Variants in ZBTB7C observed in about 807,000 individuals in gnomAD.
ZBTB7C encodes the protein zinc finger and BTB domain-containing protein 7C.
A neutral mutation model predicts 25.7 loss-of-function variants in ZBTB7C; 8 were observed. The observed-to-expected ratio is 0.31, with a 90% CI of 0.18 to 0.56. The LOEUF is 0.56. Among genes scored for constraint, ZBTB7C ranks in the 20% least tolerant of loss-of-function variants. The probability of loss-of-function intolerance (pLI) is 0.91; values close to 1 mark genes in which losing one functional copy is unlikely to be tolerated. For synonymous variants in ZBTB7C, 394 were observed against 369.0 expected (o/e 1.07, Z -0.78); for missense variants, 824 against 855.2 (o/e 0.96, Z 0.46).
chr18:48,309,204 G>A (rs964427543), intron 2 of ZBTB7C, among the ~76,000 whole-genome samples: 1 of 152,302 alleles, frequency 6.6e-6, no homozygotes, highest in Admixed American at 6.5e-5. Flanking sequence ...ACCAAGGGAG[G>A]CTTCCCGGAG....
chr18:48,309,910 G>A (rs1160677659), intron 2 of ZBTB7C, among the ~76,000 whole-genome samples: 1 of 152,194 alleles, frequency 6.6e-6, no homozygotes, highest in Admixed American at 6.5e-5. Flanking sequence ...CAAATGTCAA[G>A]TGCCTGGCAC....
At chr18:48,230,567 C>T (rs931563326) in intron 2 of ZBTB7C, among the ~76,000 whole-genome samples, 3 of 152,166 alleles carry the variant, frequency 2.0e-5, no homozygotes, top group Non-Finnish European at 4.4e-5. Context: ...AATTGGTGCT[C>T]AGCTCAGGTT....
chr18:48,250,238 G>C (rs562972089), intron 2 of ZBTB7C, among the ~76,000 whole-genome samples: 35 of 152,234 alleles, frequency 2.3e-4, no homozygotes, highest in African/African-American at 8.4e-4. Flanking sequence ...AGTCTTCCCA[G>C]AATATTTTCT....
intron 3 of ZBTB7C, among the ~76,000 whole-genome samples, chr18:48,069,140 A>G (rs780545244): frequency 1.6e-4 from 25 of 152,198 alleles, no homozygotes; most frequent in African/African-American, 5.8e-4. Flanking sequence ...GTAGGTGCTC[A>G]TGCATTTCTG....
intron 3 of ZBTB7C, chr18:48,076,892 C>A: frequency 3.1e-6 from 3 of 971,208 alleles, no homozygotes; most frequent in Non-Finnish European, 3.7e-6. Context: ...CCTTTTCCAA[C>A]AAATCGAATT....
chr18:48,091,828 A>G (rs567424811), intron 3 of ZBTB7C, among the ~76,000 whole-genome samples: 6 of 152,260 alleles, frequency 3.9e-5, no homozygotes, highest in East Asian at 1.9e-4. Flanking sequence ...TCATTGTCCA[A>G]TGATACCTTC....
chr18:48,082,187 A>G (rs4267392), intron 3 of ZBTB7C, among the ~76,000 whole-genome samples: 81,648 of 152,052 alleles, frequency 0.54, 24,428 homozygotes, highest in African/African-American at 0.81. Flanking sequence ...ACAAAATTAT[A>G]CACTGTCCCC....
At chr18:48,365,663 G>A (rs1037672894) in intron 1 of ZBTB7C, among the ~76,000 whole-genome samples, 11 of 152,000 alleles carry the variant, frequency 7.2e-5, no homozygotes, top group Middle Eastern at 3.4e-3. Flanking sequence ...TAAAGCATGG[G>A]ACCCAACTAT....
At chr18:48,349,608 C>T (rs138746135) in intron 1 of ZBTB7C, among the ~76,000 whole-genome samples, 12 of 152,316 alleles carry the variant, frequency 7.9e-5, no homozygotes, top group African/African-American at 2.6e-4. Flanking sequence ...CCATGCTAAA[C>T]GCTGGAGGAG....
chr18:48,097,373 A>G (rs1185996376), intron 3 of ZBTB7C, among the ~76,000 whole-genome samples: 1 of 134,568 alleles, frequency 7.4e-6, no homozygotes, highest in East Asian at 2.1e-4. Context: ...AACTTTTATT[A>G]TTGTTGTTGT....
At chr18:48,384,511 G>A (rs1275143870) in intron 1 of ZBTB7C, among the ~76,000 whole-genome samples, 1 of 152,186 alleles carries the variant, frequency 6.6e-6, no homozygotes, top group East Asian at 1.9e-4. Context: ...TAGAAAGTTG[G>A]GAGAGGGATT....
chr18:48,279,827 C>A (rs1346789864), intron 2 of ZBTB7C, among the ~76,000 whole-genome samples: 1 of 152,176 alleles, frequency 6.6e-6, no homozygotes, highest in African/African-American at 2.4e-5. Flanking sequence ...ACTGAGTTTG[C>A]CTTGACATCT....
At chr18:48,373,772 A>T (rs113272195) in intron 1 of ZBTB7C, among the ~76,000 whole-genome samples, 11 of 152,112 alleles carry the variant, frequency 7.2e-5, no homozygotes, top group East Asian at 3.9e-4. Flanking sequence ...CCATCCTGGT[A>T]AACACGGTGA....
intron 2 of ZBTB7C, among the ~76,000 whole-genome samples, chr18:48,199,992 TTGTGTG>T (rs57540482): frequency 0.37 from 55,930 of 149,148 alleles, 10,352 homozygotes; most frequent in Admixed American, 0.44. Context: ...GGAAATGTAT[TTGTGTG>T]TGTGTGTGTG....
At chr18:48,124,168 T>C (rs1173637130) in intron 3 of ZBTB7C, among the ~76,000 whole-genome samples, 1 of 152,254 alleles carries the variant, frequency 6.6e-6, no homozygotes, top group Non-Finnish European at 1.5e-5. Flanking sequence ...TGGTGACCTC[T>C]ACCTAGAAAT....
intron 2 of ZBTB7C, among the ~76,000 whole-genome samples, chr18:48,200,364 T>C (rs921175328): frequency 6.6e-6 from 1 of 151,694 alleles, no homozygotes; most frequent in Non-Finnish European, 1.5e-5. Context: ...GTGGCCGGTG[T>C]TTGTAGTACA....
chr18:48,326,633 T>C (rs2046227235), intron 2 of ZBTB7C, among the ~76,000 whole-genome samples: 3 of 152,068 alleles, frequency 2.0e-5, no homozygotes, highest in Non-Finnish European at 4.4e-5. Context: ...AAGTGCTCTG[T>C]ACTAATATGG....
chr18:48,304,043 G>C lies in ZBTB7C; in HGVS notation c.-79+34131C>G, dbSNP rs575058480. 4.6e-5 allele frequency among the ~76,000 whole-genome samples: 7 copies of C among 152,234 alleles called. No individual in the cohort carries two copies. In the South Asian group the frequency reaches 1.2e-3, roughly 27 times the overall value. On this transcript the variant is annotated intron_variant, in intron 2 of 4. Coordinates refer to ENST00000590800, the MANE Select transcript of ZBTB7C (RefSeq NM_001318841.2). ...GCAGATGAAGACCTTGCAGCGACCA[G>C]CCCAGGGTCCCCTGGCAAGTGGGTG...
chr18:48,152,551 T>A (rs566024273), intron 3 of ZBTB7C, among the ~76,000 whole-genome samples: 20 of 152,226 alleles, frequency 1.3e-4, no homozygotes, highest in Non-Finnish European at 1.6e-4. Context: ...AAAGAATCAT[T>A]ATTCATGCCA....
Sources: allele counts gnomAD v4.1 joint callset (sites outside exome capture counted in the v4.1 genomes callset), GRCh38; gene constraint gnomAD v4.1.1; transcripts MANE v1.5; gene names NCBI Gene and HGNC (gene_info 2026-07-23, HGNC 2026-07-21).